LRMDA: variants seen among roughly 807,000 people sequenced by gnomAD.
LRMDA encodes the protein leucine rich melanocyte differentiation associated, also known as leucine-rich melanocyte differentiation-associated protein.
A neutral mutation model predicts 29.8 loss-of-function variants in LRMDA; 18 were observed. The observed-to-expected ratio is 0.60, with a 90% confidence interval of 0.42 to 0.90. The LOEUF (loss-of-function observed/expected upper bound fraction) is 0.90. Among genes scored for constraint, LRMDA ranks in the 40% least tolerant of loss-of-function variants. LRMDA has a pLI of 0.00. For missense variants in LRMDA, 273 were observed against 273.9 expected, an observed-to-expected ratio of 1.00 and a Z score of 0.02; for synonymous variants, 125 against 109.4, an observed-to-expected ratio of 1.14 and a Z score of -0.89.
chr10:76,315,791 G>A (rs1041540469), intron 5 of LRMDA, among the ~76,000 whole-genome samples: 3 of 151,924 alleles, frequency 2.0e-5, no homozygotes, highest in Non-Finnish European at 2.9e-5. Flanking sequence ...TGCCAGTGCC[G>A]GGTGGAGTCC....
intron 6 of LRMDA, among the ~76,000 whole-genome samples, chr10:76,436,535 C>T (rs991420453): frequency 5.9e-5 from 9 of 152,264 alleles, no homozygotes; most frequent in Middle Eastern, 3.4e-3. Context: ...TGTGGCACTC[C>T]CTGTGCCTTT....
At chr10:75,647,995 A>ATACCAAATGC (rs57533596) in intron 2 of LRMDA, among the ~76,000 whole-genome samples, 19,317 of 147,066 alleles carry the variant, frequency 0.13, 2,843 homozygotes, top group African/African-American at 0.38. Flanking sequence ...CCTCCAAATG[A>ATACCAAATGC]TACCAAATGC....
chr10:76,233,022 GC>G (rs1852089164), intron 5 of LRMDA, among the ~76,000 whole-genome samples: 1 of 152,332 alleles, frequency 6.6e-6, no homozygotes, highest in Admixed American at 6.5e-5. Flanking sequence ...AGAGAAAAGT[GC>G]GCCAAATGGG....
At chr10:75,521,092 G>C (rs942067911) in intron 2 of LRMDA, among the ~76,000 whole-genome samples, 2 of 152,188 alleles carry the variant, frequency 1.3e-5, no homozygotes, top group Non-Finnish European at 2.9e-5. Context: ...TCCCAGAGGG[G>C]CATCCACCTA....
chr10:75,545,285 A>G (rs923441077), intron 2 of LRMDA, among the ~76,000 whole-genome samples: 5 of 152,146 alleles, frequency 3.3e-5, no homozygotes, highest in African/African-American at 4.8e-5. Flanking sequence ...CAGAAACTAC[A>G]ATCTGTTAAT....
chr10:76,011,776 C>A (rs1164129444), intron 2 of LRMDA, among the ~76,000 whole-genome samples: 1 of 152,296 alleles, frequency 6.6e-6, no homozygotes, highest in Non-Finnish European at 1.5e-5. Context: ...CCAGCTCTAT[C>A]CTCCAGGGAT....
chr10:75,511,787 T>C (rs1256306062), intron 2 of LRMDA, among the ~76,000 whole-genome samples: 1 of 152,212 alleles, frequency 6.6e-6, no homozygotes, highest in Admixed American at 6.5e-5. Context: ...GCACTTTCCC[T>C]TTCAAACCTT....
chr10:76,445,911 A>G (rs1041601097), intron 6 of LRMDA, among the ~76,000 whole-genome samples: 30 of 152,224 alleles, frequency 2.0e-4, no homozygotes, highest in African/African-American at 7.2e-4. Flanking sequence ...ACATTTTGTC[A>G]TATGGACTTC....
At chr10:75,535,326 A>G (rs2132045551) in intron 2 of LRMDA, among the ~76,000 whole-genome samples, 1 of 152,118 alleles carries the variant, frequency 6.6e-6, no homozygotes, top group East Asian at 1.9e-4. Context: ...TTTCCTCCCT[A>G]GAATTCCAGT....
intron 3 of LRMDA, among the ~76,000 whole-genome samples, chr10:76,037,722 C>T (rs1848275713): frequency 6.6e-6 from 1 of 150,646 alleles, no homozygotes. Context: ...CTTATAGGGG[C>T]ACTGATCCCA....
At chr10:76,271,649 A>C (rs1358547904) in intron 5 of LRMDA, among the ~76,000 whole-genome samples, 1 of 152,154 alleles carries the variant, frequency 6.6e-6, no homozygotes, top group Non-Finnish European at 1.5e-5. Flanking sequence ...GTGACAGAAA[A>C]CAGGCTTGGA....
intron 4 of LRMDA, among the ~76,000 whole-genome samples, chr10:76,049,074 A>C (rs1848489113): frequency 6.6e-6 from 1 of 152,176 alleles, no homozygotes; most frequent in African/African-American, 2.4e-5. Context: ...GCTAATAAGC[A>C]AAGGACTATG....
At chr10:76,233,181 C>T (rs1428064073) in intron 5 of LRMDA, among the ~76,000 whole-genome samples, 1 of 152,076 alleles carries the variant, frequency 6.6e-6, no homozygotes, top group Non-Finnish European at 1.5e-5. Flanking sequence ...TCAAGACTGC[C>T]CCAATAAAAC....
chr10:75,901,138 A>G (rs1324152402), intron 2 of LRMDA, among the ~76,000 whole-genome samples: 1 of 152,102 alleles, frequency 6.6e-6, no homozygotes, highest in Non-Finnish European at 1.5e-5. Flanking sequence ...AGAGGAAGAG[A>G]GATTGTTTCT....
intron 2 of LRMDA, among the ~76,000 whole-genome samples, chr10:75,977,695 C>T (rs896977300): frequency 6.6e-6 from 1 of 152,178 alleles, no homozygotes; most frequent in African/African-American, 2.4e-5. Context: ...TGGGGAGCTG[C>T]CCACGGCCTA....
chr10:76,251,407 C>T (rs984685959), intron 5 of LRMDA, among the ~76,000 whole-genome samples: 17 of 151,048 alleles, frequency 1.1e-4, no homozygotes, highest in East Asian at 3.9e-4. Context: ...CGCCCGCCAC[C>T]GCGCCCGGCT....
intron 2 of LRMDA, among the ~76,000 whole-genome samples, chr10:75,971,916 G>C (rs1401276167): frequency 6.6e-6 from 1 of 152,170 alleles, no homozygotes; most frequent in Non-Finnish European, 1.5e-5. Flanking sequence ...GATGTCGTCA[G>C]CCTGTGGATT....
intron 2 of LRMDA, among the ~76,000 whole-genome samples, chr10:75,646,519 C>T (rs1055323651): frequency 1.3e-5 from 2 of 152,214 alleles, no homozygotes; most frequent in African/African-American, 4.8e-5. Context: ...TGCTGCATAC[C>T]TACACGCTAC....
intron 5 of LRMDA, among the ~76,000 whole-genome samples, chr10:76,321,947 C>T (rs900321117): frequency 6.6e-6 from 1 of 151,954 alleles, no homozygotes; most frequent in Admixed American, 6.6e-5. Flanking sequence ...TCTGTCTCAA[C>T]AACAACAACA....
Sources: gnomAD v4.1 joint callset for allele counts (sites outside exome capture counted in the v4.1 genomes callset) on GRCh38, gnomAD v4.1.1 for gene constraint, MANE v1.5 for transcripts, NCBI Gene and HGNC (gene_info 2026-07-23, HGNC 2026-07-21) for gene names.